PTPRG: variants seen among roughly 807,000 people sequenced by gnomAD.
PTPRG encodes protein tyrosine phosphatase receptor type G.
Under a neutral mutation model 165.3 loss-of-function variants are expected in PTPRG, and 102 were observed. The ratio of observed to expected loss-of-function variants is 0.62; its 90% CI spans 0.53 to 0.73. The LOEUF is 0.73. Ranked by LOEUF, PTPRG falls within the 30% of genes least tolerant of loss-of-function variation. The pLI, the probability that PTPRG is intolerant of heterozygous loss-of-function variation, is 0.00. For synonymous variants in PTPRG, 675 were observed against 669.5 expected (o/e 1.01, Z -0.13); for missense variants, 1,866 against 1,861.4 (o/e 1.00, Z -0.05).
intron 1 of PTPRG, among the ~76,000 whole-genome samples, chr3:61,714,013 A>G (rs1410106588): frequency 6.6e-6 from 1 of 152,264 alleles, no homozygotes; most frequent in Non-Finnish European, 1.5e-5. Flanking sequence ...ATGTTATGAA[A>G]CATTAATATC....
At chr3:61,619,980 C>G (rs116418697) in intron 1 of PTPRG, among the ~76,000 whole-genome samples, 1,879 of 152,252 alleles carry the variant, frequency 0.012, 40 homozygotes, top group African/African-American at 0.043. Context: ...TACTCCTTCA[C>G]GCTGAGCTCT....
intron 2 of PTPRG, among the ~76,000 whole-genome samples, chr3:61,821,954 C>G (rs976392883): frequency 2.0e-5 from 3 of 152,212 alleles, no homozygotes; most frequent in African/African-American, 7.2e-5. Flanking sequence ...GAAGCATAAG[C>G]TAGCAATTTA....
chr3:61,629,224 A>G (rs995582962), intron 1 of PTPRG, among the ~76,000 whole-genome samples: 1 of 152,046 alleles, frequency 6.6e-6, no homozygotes, highest in Admixed American at 6.6e-5. Context: ...GCGCAATTTC[A>G]GCTCACTGCA....
At chr3:62,109,098 T>G (rs1311081972) in intron 5 of PTPRG, among the ~76,000 whole-genome samples, 2 of 152,224 alleles carry the variant, frequency 1.3e-5, no homozygotes, top group Non-Finnish European at 2.9e-5. Flanking sequence ...CTTTTGATGT[T>G]TTAGACATGA....
Position 61,767,632 on chromosome 3 carries a change from C to G in PTPRG, c.190+18650C>G, listed in dbSNP as rs571128997. 3.3e-5 allele frequency among the ~76,000 whole-genome samples: 5 copies of G among 152,250 alleles called. No homozygotes were observed. The East Asian group carries it at 7.7e-4, about 23-fold the overall frequency. The stretch of plus-strand genomic sequence containing the variant: ...TATACATTTTCAGTGTTCCAAGACA[C>G]TTTGGTGGACTATAGAATGCTTTAA... On this transcript the variant is annotated intron_variant, in intron 2 of 29. Transcript: ENST00000474889.
chr3:62,235,273 C>T (rs574998343), intron 14 of PTPRG, among the ~76,000 whole-genome samples: 12 of 152,248 alleles, frequency 7.9e-5, no homozygotes, highest in African/African-American at 2.9e-4. Flanking sequence ...GAGAGCCCCT[C>T]AAGCCTCAGT....
chr3:62,013,709 C>A (rs562698742), intron 4 of PTPRG, among the ~76,000 whole-genome samples: 11 of 151,618 alleles, frequency 7.3e-5, no homozygotes, highest in Non-Finnish European at 1.3e-4. Context: ...TAAAAATACA[C>A]ATATAGTAGT....
At chr3:61,634,017 C>T (rs6789487) in intron 1 of PTPRG, among the ~76,000 whole-genome samples, 30,948 of 151,364 alleles carry the variant, frequency 0.2, 4,297 homozygotes, top group African/African-American at 0.39. Flanking sequence ...TGGGTTGAAG[C>T]GATTCTCATG....
Position 61,913,631 on chromosome 3 carries a change from T to C in PTPRG, c.191-75994T>C, listed in dbSNP as rs138634470. Among the ~76,000 whole-genome samples the C allele has an allele frequency of 2.5e-3, 379 of 152,326 alleles. 3 individuals are homozygous for C. The highest frequency in any genetic ancestry group is 8.5e-3 in the African/African-American group (353 of 41,580). On this transcript the variant is annotated intron_variant, in intron 2 of 29. Transcript: ENST00000474889. ...GTTGCTCAGAGTTTTCTAGATCTTATATTTCTGTATGAGTTTCTTTACGTC... is the reference window on the plus strand; with the variant it reads ...GTTGCTCAGAGTTTTCTAGATCTTACATTTCTGTATGAGTTTCTTTACGTC...
intron 5 of PTPRG, among the ~76,000 whole-genome samples, chr3:62,122,224 C>G (rs1398259613): frequency 1.3e-5 from 2 of 152,178 alleles, no homozygotes; most frequent in African/African-American, 4.8e-5. Context: ...ACAGTTTTCA[C>G]TAGTTTGTCT....
intron 2 of PTPRG, among the ~76,000 whole-genome samples, chr3:61,952,784 A>G (rs1187150209): frequency 2.6e-5 from 4 of 152,110 alleles, no homozygotes; most frequent in Non-Finnish European, 5.9e-5. Context: ...ATTAATCATC[A>G]GCCAGCTCCT....
chr3:61,947,165 A>T (rs2039781167), intron 2 of PTPRG, among the ~76,000 whole-genome samples: 1 of 152,170 alleles, frequency 6.6e-6, no homozygotes. Context: ...TGAGCTTTTG[A>T]TCCCATGCTA....
At chr3:61,878,364 A>G (rs1341077702) in intron 2 of PTPRG, among the ~76,000 whole-genome samples, 1 of 152,042 alleles carries the variant, frequency 6.6e-6, no homozygotes, top group Non-Finnish European at 1.5e-5. Context: ...GTTCTGTTTG[A>G]TTATTGATTT....
rs547949975 is a variant in PTPRG at position 62,059,743 on chromosome 3, G to A, written c.520-18420G>A. The stretch of plus-strand genomic sequence containing the variant: ...CCATAATCCTCACATGTCATGGGAG[G>A]AACCTAGTAGGAGGTAGTGGAATTA... On this transcript the variant is annotated intron_variant, in intron 4 of 29. Coordinates refer to ENST00000474889, the MANE Select transcript of PTPRG (RefSeq NM_002841.4). Among the ~76,000 whole-genome samples the A allele has an allele frequency of 2.6e-5, 4 of 152,248 alleles. No individual in the cohort carries two copies. The South Asian group carries it at 6.2e-4, about 24-fold the overall frequency.
At chr3:62,138,562 TACA>T (rs2106943489) in intron 6 of PTPRG, among the ~76,000 whole-genome samples, 1 of 151,960 alleles carries the variant, frequency 6.6e-6, no homozygotes, top group South Asian at 2.1e-4. Flanking sequence ...CTACTAAAAA[TACA>T]ACAATTAGCC....
intron 1 of PTPRG, among the ~76,000 whole-genome samples, chr3:61,684,794 A>C (rs2107131106): frequency 6.6e-6 from 1 of 152,312 alleles, no homozygotes; most frequent in Middle Eastern, 3.4e-3. Flanking sequence ...TGGAAATCTG[A>C]GTTTTACAGT....
chr3:61,773,468 A>G (rs1241753709), intron 2 of PTPRG, among the ~76,000 whole-genome samples: 1 of 152,222 alleles, frequency 6.6e-6, no homozygotes, highest in Non-Finnish European at 1.5e-5. Flanking sequence ...TGGAAGATCG[A>G]TACATGTGGC....
chr3:61,602,294 CAAG>C (rs1700890864), intron 1 of PTPRG, among the ~76,000 whole-genome samples: 1 of 151,906 alleles, frequency 6.6e-6, no homozygotes, highest in African/African-American at 2.4e-5. Context: ...GTTGATTAAA[CAAG>C]AAGGAAAAAA....
At chr3:61,924,546 C>T (rs1351190522) in intron 2 of PTPRG, among the ~76,000 whole-genome samples, 3 of 152,238 alleles carry the variant, frequency 2.0e-5, no homozygotes, top group Admixed American at 6.5e-5. Flanking sequence ...GCATCTCCCA[C>T]GTGCTGTCAC....
Sources: allele counts gnomAD v4.1 joint callset (sites outside exome capture counted in the v4.1 genomes callset), GRCh38; gene constraint gnomAD v4.1.1; transcripts MANE v1.5; gene names NCBI Gene and HGNC (gene_info 2026-07-23, HGNC 2026-07-21).